Variants in RFPL1 observed in about 807,000 individuals in gnomAD.
RFPL1 encodes the protein ret finger protein like 1.
In RFPL1, 6 loss-of-function variants were observed where a neutral mutation model predicts 9.6. The ratio of observed to expected loss-of-function variants is 0.62; its 90% confidence interval spans 0.34 to 1.23. The LOEUF is 1.23. Ranked by LOEUF, RFPL1 falls within the 50% of genes most tolerant of loss-of-function variation. The probability of loss-of-function intolerance (pLI) is 0.03; values close to 1 mark genes in which losing one functional copy is unlikely to be tolerated. For missense variants in RFPL1, 352 were observed against 398.4 expected (o/e 0.88, Z 0.99); for synonymous variants, 145 against 149.4 (o/e 0.97, Z 0.22).
upstream of RFPL1, chr22:29,437,838 G>C: frequency 1.8e-6 from 2 of 1,130,036 alleles, no homozygotes; most frequent in Non-Finnish European, 2.4e-6. Flanking sequence ...TTCAACAAAG[G>C]CTGTCTGAGT....
At chr22:29,425,609 G>T in the RFPL1 span, among the ~76,000 whole-genome samples, 4 of 152,076 alleles carry the variant, frequency 2.6e-5, no homozygotes, top group African/African-American at 9.7e-5. Context: ...GCTCAAACTA[G>T]TGAAAAAAAA....
chr22:29,410,462 A>C, the RFPL1 span, among the ~76,000 whole-genome samples: 1 of 98,612 alleles, frequency 1.0e-5, no homozygotes, highest in African/African-American at 5.1e-5. Context: ...AGATATATAT[A>C]TCTATATATA....
chr22:29,407,736 A>T, the RFPL1 span, among the ~76,000 whole-genome samples: 2 of 151,864 alleles, frequency 1.3e-5, no homozygotes, highest in African/African-American at 4.8e-5. Flanking sequence ...TTTTGATTTG[A>T]CTCTTCTTAA....
chr22:29,404,693 A>C, the RFPL1 span, among the ~76,000 whole-genome samples: 2 of 152,212 alleles, frequency 1.3e-5, no homozygotes, highest in Non-Finnish European at 2.9e-5. Flanking sequence ...ACATTAGATA[A>C]TGAGAAATAA....
the RFPL1 span, among the ~76,000 whole-genome samples, chr22:29,398,683 C>A: frequency 1.3e-5 from 2 of 152,172 alleles, no homozygotes; most frequent in African/African-American, 4.8e-5. Context: ...ATGCACTATG[C>A]GTGGTGCACA....
the RFPL1 span, among the ~76,000 whole-genome samples, chr22:29,419,967 G>A: frequency 1.3e-5 from 2 of 152,180 alleles, no homozygotes; most frequent in Non-Finnish European, 2.9e-5. Flanking sequence ...GGAAGGCAAA[G>A]CTGTCCTCAG....
chr22:29,416,425 G>GT, the RFPL1 span, among the ~76,000 whole-genome samples: 7,908 of 152,258 alleles, frequency 0.052, 263 homozygotes, highest in Non-Finnish European at 0.075. Context: ...AGCACTTGAT[G>GT]TTTAGCAGAG....
the RFPL1 span, among the ~76,000 whole-genome samples, chr22:29,414,816 T>A: frequency 1.0e-4 from 14 of 136,422 alleles, no homozygotes; most frequent in Non-Finnish European, 1.3e-4. Flanking sequence ...ACCTTTTTGC[T>A]TTTTTTTTTT....
chr22:29,417,118 G>C, the RFPL1 span, among the ~76,000 whole-genome samples: 1 of 152,060 alleles, frequency 6.6e-6, no homozygotes, highest in Non-Finnish European at 1.5e-5. Context: ...GGAAGATGAC[G>C]CACCAGGAAG....
chr22:29,408,322 T>C, the RFPL1 span, among the ~76,000 whole-genome samples: 4 of 152,202 alleles, frequency 2.6e-5, no homozygotes, highest in Non-Finnish European at 5.9e-5. Flanking sequence ...GGCTCTTTCA[T>C]TTCTTTCTGC....
exon 2 of RFPL1, chr22:29,441,577 TTCC>T (rs3842466): frequency 0.4 from 640,743 of 1,612,578 alleles, 133,711 homozygotes; most frequent in Middle Eastern, 0.47. Context: ...AGCCAACAAC[TTCC>T]TCCTCATTTC....
the RFPL1 span, among the ~76,000 whole-genome samples, chr22:29,425,164 A>G: frequency 6.8e-6 from 1 of 148,116 alleles, no homozygotes; most frequent in Admixed American, 6.8e-5. Flanking sequence ...AGATTGCGCC[A>G]CTGCACTCTA....
chr22:29,395,270 T>G, the RFPL1 span, among the ~76,000 whole-genome samples: 1 of 152,170 alleles, frequency 6.6e-6, no homozygotes, highest in East Asian at 1.9e-4. Flanking sequence ...TGATTACTAT[T>G]CCTCTACTCC....
chr22:29,442,122 A>G, exon 2 of RFPL1: 1 of 1,525,306 alleles, frequency 6.6e-7, no homozygotes, highest in African/African-American at 1.4e-5. Context: ...AGGCCAAATA[A>G]GCCCCCACTG....
chr22:29,402,935 GT>G, the RFPL1 span, among the ~76,000 whole-genome samples: 5 of 132,106 alleles, frequency 3.8e-5, no homozygotes, highest in African/African-American at 1.6e-4. Context: ...GGTCTGTGGG[GT>G]CGGCCATTGT....
intron 1 of RFPL1, chr22:29,440,064 G>A (rs189320681): frequency 6.6e-6 from 1 of 152,240 alleles, no homozygotes; most frequent in Admixed American, 6.5e-5. Context: ...ATAACTCTGG[G>A]GAATAGGGAC....
the RFPL1 span, among the ~76,000 whole-genome samples, chr22:29,413,303 C>T: frequency 6.6e-6 from 1 of 152,004 alleles, no homozygotes; most frequent in African/African-American, 2.4e-5. Context: ...TCTTTCCACC[C>T]TTTGATGAGA....
chr22:29,389,793 TG>T, the RFPL1 span, among the ~76,000 whole-genome samples: 2 of 134,572 alleles, frequency 1.5e-5, no homozygotes, highest in Admixed American at 7.1e-5. Context: ...ATAGATCATT[TG>T]TTTTTTTTTG....
chr22:29,402,866 A>C, the RFPL1 span, among the ~76,000 whole-genome samples: 1 of 139,394 alleles, frequency 7.2e-6, no homozygotes, highest in Non-Finnish European at 1.5e-5. Context: ...TGCAGTCACC[A>C]CAGAGGGACA....
Sources: gnomAD v4.1 joint callset for allele counts (sites outside exome capture counted in the v4.1 genomes callset) on GRCh38, gnomAD v4.1.1 for gene constraint, MANE v1.5 for transcripts, NCBI Gene and HGNC (gene_info 2026-07-23, HGNC 2026-07-21) for gene names.